The following EDA2R variants were observed in gnomAD, a reference collection of about 807,000 sequenced individuals.
EDA2R encodes the protein tumor necrosis factor receptor superfamily member 27.
EDA2R carries 26 observed loss-of-function variants against 20.1 expected under a neutral mutation model. That is an observed-to-expected ratio of 1.30 (90% CI 0.95 to 1.80). The LOEUF is 1.80. Among genes scored for constraint, EDA2R ranks in the 40% most tolerant of loss-of-function variants. The pLI, the probability that EDA2R is intolerant of heterozygous loss-of-function variation, is 0.00. For synonymous variants in EDA2R, 114 were observed against 88.7 expected (o/e 1.29, Z -1.60); for missense variants, 277 against 228.7 (o/e 1.21, Z -1.36).
intron 2 of EDA2R, among the ~76,000 whole-genome samples, chrX:66,606,039 A>G (rs2147655714): frequency 9.0e-6 from 1 of 111,476 alleles, no homozygotes; most frequent in African/African-American, 3.3e-5. Context: ...CCCGACCCCC[A>G]GTTTCTGGGC....
intron 2 of EDA2R, among the ~76,000 whole-genome samples, chrX:66,615,546 G>T (rs768282433): frequency 1.8e-5 from 2 of 111,468 alleles, no homozygotes; most frequent in Non-Finnish European, 3.8e-5. Flanking sequence ...CCTCAGTAGC[G>T]CAGACCCTCT....
chrX:66,610,627 A>C (rs1268458873), intron 2 of EDA2R, among the ~76,000 whole-genome samples: 3 of 111,955 alleles, frequency 2.7e-5, no homozygotes, highest in African/African-American at 9.7e-5. Flanking sequence ...TTTTTGAAGC[A>C]ACTACAATGC....
intron 1 of EDA2R, among the ~76,000 whole-genome samples, chrX:66,616,431 A>G (rs995023654): frequency 4.3e-4 from 48 of 112,480 alleles, no homozygotes; most frequent in African/African-American, 1.5e-3. Context: ...ACAATCCCTC[A>G]TGTGTGAACA....
intron 4 of EDA2R, 125 bp from the exon 5 acceptor site, chrX:66,602,922 T>C (rs1007626711): frequency 1.6e-6 from 1 of 628,605 alleles, no homozygotes; most frequent in Non-Finnish European, 2.3e-6. Context: ...AGGGTGGCTA[T>C]GCTGGTTTTA....
chrX:66,615,150 G>T (rs1029620676), intron 2 of EDA2R, among the ~76,000 whole-genome samples: 3 of 111,872 alleles, frequency 2.7e-5, no homozygotes, highest in African/African-American at 9.8e-5. Flanking sequence ...AATAATAGAA[G>T]GTAAGGTCCA....
intron 1 of EDA2R, among the ~76,000 whole-genome samples, chrX:66,628,319 A>T (rs1933320466): frequency 9.0e-6 from 1 of 111,023 alleles, no homozygotes; most frequent in East Asian, 2.8e-4. Context: ...AGAAGAAAGG[A>T]AATAACCAAG....
intron 1 of EDA2R, among the ~76,000 whole-genome samples, chrX:66,622,989 A>G (rs1252681224): frequency 5.3e-5 from 6 of 112,211 alleles, no homozygotes; most frequent in Non-Finnish European, 1.1e-4. Flanking sequence ...TTCTCCATTC[A>G]TACCACGAGG....
Position 66,605,126 on chromosome X carries a change from G to C in EDA2R, c.188C>G (p.Thr63Ser). ...WGHHRCQSCITCAVINRVQKV... is the reference protein window; with the variant it reads ...WGHHRCQSCISCAVINRVQKV... ...CTGAACACGATTGATGACAGCACAG[G>C]TGATGCAACTCTGACATCTGTGGTG... Residue 63 changes from threonine to serine, a missense_variant, in exon 3 of 7, where the codon ACC becomes AGC. Coordinates refer to ENST00000374719, the MANE Select transcript of EDA2R (RefSeq NM_021783.5). The C allele has an allele frequency of 8.3e-7, 1 of 1,209,671 alleles. No individual in the cohort carries two copies.
rs753179116 is a variant in EDA2R, at chrX:66,596,167, G to A, written c.*1937C>T. ...TGTATGTTGAAAATGTTTTTATCAAGTGTACTTTGTTCTTCCACTGACCAA... is the reference window on the plus strand; with the variant it reads ...TGTATGTTGAAAATGTTTTTATCAAATGTACTTTGTTCTTCCACTGACCAA... On this transcript the variant is annotated 3_prime_UTR_variant, in exon 7 of 7. Transcript: ENST00000374719. 2.5e-4 allele frequency: 28 copies of A among 109,971 alleles called. No individual in the cohort carries two copies. Among genetic ancestry groups the A allele is most frequent in the Admixed American group, 1.3e-3 (13 of 10,304 alleles). The allele number at this position is 109,971 out of a possible 1,213,427, so 9.1% of individuals were successfully genotyped here.
chrX:66,598,882 G>A (rs1231769188), intron 6 of EDA2R, among the ~76,000 whole-genome samples: 1 of 111,296 alleles, frequency 9.0e-6, no homozygotes, highest in Non-Finnish European at 1.9e-5. Context: ...AGTAACATTG[G>A]CTATCAAATG....
intron 2 of EDA2R, among the ~76,000 whole-genome samples, chrX:66,614,609 C>A (rs1294468325): frequency 8.9e-6 from 1 of 112,242 alleles, no homozygotes; most frequent in Non-Finnish European, 1.9e-5. Context: ...CATGTGGGTA[C>A]CCCACTGTGG....
chrX:66,615,719 G>T (rs776447387), intron 2 of EDA2R, among the ~76,000 whole-genome samples: 202 of 111,362 alleles, frequency 1.8e-3, no homozygotes, highest in African/African-American at 6.4e-3. Context: ...GAAATACTCT[G>T]TTATCTCATG....
rs1387737085 is a variant in EDA2R at position 66,595,713 on chromosome X, A to G, written c.*2391T>C. 1 of 112,379 alleles carries G rather than the reference A, an allele frequency of 8.9e-6. No homozygotes were observed. The highest frequency in any genetic ancestry group is 1.9e-5 in the Non-Finnish European group (1 of 53,198). The allele number at this position is 112,379 out of a possible 1,213,427, so 9.3% of individuals were successfully genotyped here. On this transcript the variant is annotated 3_prime_UTR_variant, in exon 7 of 7. Transcript: ENST00000374719. The stretch of plus-strand genomic sequence containing the variant: ...CATAAACAAACATAGCCCTGCCAGT[A>G]TCTACACATGCATATGGCTCAAGAG...
chrX:66,597,954 G>T lies in EDA2R; in HGVS notation c.*150C>A, dbSNP rs1038540204. 2.6e-6 allele frequency: 2 copies of T among 757,276 alleles called. No homozygotes were observed. The highest frequency in any genetic ancestry group is 3.4e-6 in the Non-Finnish European group (2 of 580,192). 62.4% of individuals were successfully genotyped at this position (757,276 alleles called of 1,213,427 possible). ...TTGTGAAATGGAGAATCAATCCTCTGGTGGGATGGGATAGGATATGCCCCA... is the reference window on the plus strand; with the variant it reads ...TTGTGAAATGGAGAATCAATCCTCTTGTGGGATGGGATAGGATATGCCCCA... On this transcript the variant is annotated 3_prime_UTR_variant, in exon 7 of 7. Coordinates refer to ENST00000374719, the MANE Select transcript of EDA2R (RefSeq NM_021783.5).
rs1222801426 is a variant in EDA2R at position 66,633,064 on chromosome X, C to G, written c.-11+5931G>C. Among the ~76,000 whole-genome samples, 8 of 112,062 alleles carry G rather than the reference C, an allele frequency of 7.1e-5. No individual in the cohort carries two copies. The Admixed American group carries it at 7.5e-4, about 11-fold the overall frequency. Reference sequence around the variant, plus strand: ...TGGGGAAGAAAAAGAAAAAAAAATCCTTACTAAAAGCTGTTGTCATTGTAC... The same window carrying G: ...TGGGGAAGAAAAAGAAAAAAAAATCGTTACTAAAAGCTGTTGTCATTGTAC... On this transcript the variant is annotated intron_variant, in intron 1 of 6. Transcript: ENST00000374719.
At chrX:66,600,001 C>A (rs1278511188) in intron 5 of EDA2R, 141 bp from the exon 6 acceptor site, 3 of 1,138,741 alleles carry the variant, frequency 2.6e-6, no homozygotes, top group South Asian at 2.0e-5. Context: ...GAGCACCTAG[C>A]ACCAGGCTGA....
intron 4 of EDA2R, among the ~76,000 whole-genome samples, chrX:66,603,059 A>T (rs1928945096): frequency 8.9e-6 from 1 of 112,268 alleles, no homozygotes; most frequent in Non-Finnish European, 1.9e-5. Context: ...TGCCACATCT[A>T]ATTATATAAT....
chrX:66,617,839 C>T lies in EDA2R; in HGVS notation c.-10-1809G>A, dbSNP rs185589446. 3.8e-5 allele frequency among the ~76,000 whole-genome samples: 4 copies of T among 105,512 alleles called. No homozygotes were observed. The East Asian group carries it at 1.2e-3, about 32-fold the overall frequency. The allele number at this position is 105,512 out of a possible 115,157, so 91.6% of individuals were successfully genotyped here. On this transcript the variant is annotated intron_variant, in intron 1 of 6. Transcript: ENST00000374719. ...TCTCCCCTCTTTTTTCCCTCCCTCC[C>T]TCCCTTCCTTCCTTCCTTCTTTCCT...
intron 3 of EDA2R, 35 bp downstream of exon 3, chrX:66,605,013 G>A: frequency 8.7e-7 from 1 of 1,147,639 alleles, no homozygotes; most frequent in Non-Finnish European, 1.2e-6. Flanking sequence ...AGCTAGAAAA[G>A]CCCAGACAAG....
Sources: gnomAD v4.1 joint callset for allele counts (sites outside exome capture counted in the v4.1 genomes callset) on GRCh38, gnomAD v4.1.1 for gene constraint, MANE v1.5 for transcripts, NCBI Gene and HGNC (gene_info 2026-07-23, HGNC 2026-07-21) for gene names.